The following RBM47 variants were observed in gnomAD, a reference collection of about 807,000 sequenced individuals.
The protein encoded by RBM47 is RNA binding motif protein 47, also known as RNA-binding protein 47.
In RBM47, 21 loss-of-function variants were observed where a neutral mutation model predicts 47.1. The ratio of observed to expected loss-of-function variants is 0.45; its 90% confidence interval spans 0.32 to 0.64. RBM47 has a LOEUF of 0.64. Ranked by LOEUF, RBM47 falls within the 30% of genes least tolerant of loss-of-function variation. RBM47 has a pLI of 0.05. For synonymous variants in RBM47, 375 were observed against 361.7 expected, an observed-to-expected ratio of 1.04 and a Z score of -0.42; for missense variants, 708 against 870.9, an observed-to-expected ratio of 0.81 and a Z score of 2.35.
intron 1 of RBM47, among the ~76,000 whole-genome samples, chr4:40,623,417 T>C (rs898982478): frequency 6.6e-6 from 1 of 152,214 alleles, no homozygotes; most frequent in South Asian, 2.1e-4. Flanking sequence ...AAGAGTACAC[T>C]GTCAGCCCAC....
At chr4:40,530,656 G>A (rs1038693202) in intron 2 of RBM47, among the ~76,000 whole-genome samples, 1 of 152,132 alleles carries the variant, frequency 6.6e-6, no homozygotes, top group African/African-American at 2.4e-5. Flanking sequence ...AGGGACTTCC[G>A]TACTGGACAT....
chr4:40,547,673 A>AG (rs1461217810), intron 1 of RBM47, among the ~76,000 whole-genome samples: 41 of 152,236 alleles, frequency 2.7e-4, no homozygotes, highest in Non-Finnish European at 7.3e-5. Flanking sequence ...CATGATAATC[A>AG]GAGTGGATTA....
rs751694488 is a variant in RBM47, at chr4:40,436,541, T to C, written c.1230A>G (p.Arg410=). ...GCTGCTTTCCTTTCCCTTCATGATA[T>C]CGGCTATATATACCACGACCAGCAG... ...GYSAGRGIYS[R]YHEGKGKQQE... is the part of the protein sequence containing the mutation. Residue 410 remains arginine, a synonymous_variant, in exon 5 of 7, where the codon CGA becomes CGG. Coordinates refer to ENST00000295971, the MANE Select transcript of RBM47 (RefSeq NM_001098634.2). 2 of 1,614,174 alleles carry C rather than the reference T, an allele frequency of 1.2e-6. No individual in the cohort carries two copies.
At chr4:40,523,069 G>C (rs1248390063) in intron 2 of RBM47, among the ~76,000 whole-genome samples, 1 of 150,038 alleles carries the variant, frequency 6.7e-6, no homozygotes, top group Non-Finnish European at 1.5e-5. Flanking sequence ...GGGTTCAAGC[G>C]ATTCTTATGC....
Position 40,538,398 on chromosome 4 carries a change from C to A in RBM47, c.-155+6024G>T, listed in dbSNP as rs146033439. On this transcript the variant is annotated intron_variant, in intron 2 of 6. Transcript: ENST00000295971. ...CTGGAGTACAATGGCACGATCTCAG[C>A]TCACTGCAACCTCCGCCTCCCGGGT... Among the ~76,000 whole-genome samples the A allele has an allele frequency of 5.3e-3, 779 of 147,072 alleles. 7 individuals are homozygous for A. Among genetic ancestry groups the A allele is most frequent in the African/African-American group, 0.017 (678 of 39,056 alleles).
chr4:40,504,256 TG>T (rs558777844), intron 2 of RBM47, among the ~76,000 whole-genome samples: 26 of 151,912 alleles, frequency 1.7e-4, no homozygotes, highest in Non-Finnish European at 3.7e-4. Flanking sequence ...GGGTCTTTCA[TG>T]GAAGGGAAAT....
intron 5 of RBM47, 136 bp from the exon 6 acceptor site, chr4:40,432,998 T>C: frequency 7.9e-7 from 1 of 1,273,284 alleles, no homozygotes; most frequent in South Asian, 1.6e-5. Flanking sequence ...TCTCACTCTG[T>C]GGCCCAGGCT....
intron 1 of RBM47, among the ~76,000 whole-genome samples, chr4:40,600,999 A>AAAAAAAAAAAAAAAG (rs1338188731): frequency 6.1e-5 from 9 of 147,282 alleles, no homozygotes; most frequent in African/African-American, 2.4e-4. Flanking sequence ...AAAAAAAAAA[A>AAAAAAAAAAAAAAAG]AAAGAAAGAA....
rs938053710 is a variant in RBM47, at chr4:40,464,807, C to T, written c.-32+1770G>A. On this transcript the variant is annotated intron_variant, in intron 3 of 6. Transcript: ENST00000295971. Reference sequence around the variant, plus strand: ...TCGGGAGGCTGAGGCAGGAGAATGGCGTGAACCCGGGAGGCAGAGCTTGCA... The same window carrying T: ...TCGGGAGGCTGAGGCAGGAGAATGGTGTGAACCCGGGAGGCAGAGCTTGCA... Among the ~76,000 whole-genome samples the T allele has an allele frequency of 1.1e-4, 15 of 136,148 alleles. 1 individual carries two copies. The highest frequency in any genetic ancestry group is 3.8e-4 in the African/African-American group (14 of 37,272). The allele number at this position is 136,148 out of a possible 152,430, so 89.3% of individuals were successfully genotyped here.
At chr4:40,618,380 G>A (rs974339461) in intron 1 of RBM47, among the ~76,000 whole-genome samples, 3 of 152,170 alleles carry the variant, frequency 2.0e-5, no homozygotes, top group Non-Finnish European at 1.5e-5. Context: ...GCAATGTCAC[G>A]CCACTGCACT....
chr4:40,445,604 G>A (rs937980492), intron 3 of RBM47, among the ~76,000 whole-genome samples: 2 of 152,124 alleles, frequency 1.3e-5, no homozygotes, highest in Admixed American at 6.5e-5. Context: ...ACTGAATTAC[G>A]CTTCAAATGC....
At chr4:40,516,284 G>A (rs544204180) in intron 2 of RBM47, among the ~76,000 whole-genome samples, 124 of 133,254 alleles carry the variant, frequency 9.3e-4, no homozygotes, top group African/African-American at 2.9e-3. Flanking sequence ...TTTTTGAGAC[G>A]GATTCTCGCT....
At chr4:40,462,430 A>G (rs1326866629) in intron 3 of RBM47, among the ~76,000 whole-genome samples, 2 of 152,170 alleles carry the variant, frequency 1.3e-5, no homozygotes, top group Non-Finnish European at 2.9e-5. Flanking sequence ...CCTCTGCTGC[A>G]AATATATGCA....
At chr4:40,444,129 G>A (rs892542823) in intron 3 of RBM47, among the ~76,000 whole-genome samples, 7 of 152,150 alleles carry the variant, frequency 4.6e-5, no homozygotes, top group Non-Finnish European at 8.8e-5. Flanking sequence ...AGCTCAGGAA[G>A]TTGAGGCTGC....
At chr4:40,518,996 C>A (rs1283362771) in intron 2 of RBM47, among the ~76,000 whole-genome samples, 12 of 151,640 alleles carry the variant, frequency 7.9e-5, no homozygotes, top group Admixed American at 2.0e-4. Context: ...GAGTTTAAGA[C>A]CAGCCTAGGC....
chr4:40,502,711 T>C (rs1049399731), intron 2 of RBM47, among the ~76,000 whole-genome samples: 3 of 151,634 alleles, frequency 2.0e-5, no homozygotes, highest in Non-Finnish European at 4.4e-5. Flanking sequence ...CCAGGTGTGG[T>C]GACATGCACC....
intron 2 of RBM47, among the ~76,000 whole-genome samples, chr4:40,531,491 T>A (rs1008900691): frequency 2.6e-5 from 4 of 151,734 alleles, no homozygotes; most frequent in African/African-American, 9.7e-5. Flanking sequence ...TGGGTCTGGG[T>A]TATGACTTTG....
chr4:40,496,192 T>A lies in RBM47; in HGVS notation c.-154-29493A>T, dbSNP rs184173480. ...AATCCATAAGACTTTTTGACTAGGG[T>A]TGAATCAGATCAGCACCTGTGTTGT... On this transcript the variant is annotated intron_variant, in intron 2 of 6. Transcript: ENST00000295971. Among the ~76,000 whole-genome samples the A allele has an allele frequency of 3.7e-4, 57 of 152,250 alleles. 1 individual carries two copies. Among genetic ancestry groups the A allele is most frequent in the African/African-American group, 1.3e-3 (55 of 41,566 alleles).
At position 40,432,664 on chromosome 4, in the gene RBM47, G is replaced by A. The variant is rs762072583; in HGVS notation, c.1529C>T (p.Pro510Leu). Residue 510 changes from proline to leucine, a missense_variant, in exon 6 of 7, where the codon CCA (proline) becomes CTA (leucine). By Grantham distance (98) the Pro-to-Leu change is moderately conservative. Coordinates refer to ENST00000295971, the MANE Select transcript of RBM47 (RefSeq NM_001098634.2). The part of the protein sequence containing the change: ...AAAVIPTVST[P>L]PPFQGRPITP... ...TAAGAACTCTACCTGGAAAGGTGGTGGCGTCGACACAGTGGGAATGACAGC... is the reference window on the plus strand; with the variant it reads ...TAAGAACTCTACCTGGAAAGGTGGTAGCGTCGACACAGTGGGAATGACAGC... 6.2e-7 allele frequency: 1 copy of A among 1,610,158 alleles called. No individual in the cohort carries two copies. The highest frequency in any genetic ancestry group is 8.5e-7 in the Non-Finnish European group (1 of 1,179,402).
Sources: allele counts gnomAD v4.1 joint callset (sites outside exome capture counted in the v4.1 genomes callset), GRCh38; gene constraint gnomAD v4.1.1; transcripts MANE v1.5; gene names NCBI Gene and HGNC (gene_info 2026-07-23, HGNC 2026-07-21).